Variants in NTM observed in about 807,000 individuals in gnomAD.
The protein encoded by NTM is neurotrimin, also known as IgLON family member 2.
NTM carries 13 observed loss-of-function variants against 42.1 expected under a neutral mutation model. The ratio of observed to expected loss-of-function variants is 0.31; its 90% confidence interval spans 0.20 to 0.49. The LOEUF (loss-of-function observed/expected upper bound fraction) is 0.49, where lower values mean the gene tolerates loss of function less well. Among genes scored for constraint, NTM ranks in the 20% least tolerant of loss-of-function variants. NTM has a pLI of 0.99. For missense variants in NTM, 373 were observed against 452.8 expected (o/e 0.82, Z 1.60); for synonymous variants, 187 against 179.2 (o/e 1.04, Z -0.35).
intron 1 of NTM, among the ~76,000 whole-genome samples, chr11:131,672,335 C>T (rs936089406): frequency 1.3e-5 from 2 of 152,228 alleles, no homozygotes; most frequent in Non-Finnish European, 2.9e-5. Context: ...GCAGAGGCGG[C>T]GACTTGAGCA....
At chr11:132,268,216 T>C (rs1191266978) in intron 4 of NTM, among the ~76,000 whole-genome samples, 1 of 152,232 alleles carries the variant, frequency 6.6e-6, no homozygotes, top group African/African-American at 2.4e-5. Context: ...ATAAGACTTA[T>C]ATTAAAGGTA....
At chr11:131,913,985 T>C (rs764415060) in intron 2 of NTM, among the ~76,000 whole-genome samples, 1 of 152,170 alleles carries the variant, frequency 6.6e-6, no homozygotes, top group Non-Finnish European at 1.5e-5. Context: ...TGCTCAGGCC[T>C]CTCAGGATTG....
chr11:132,200,357 C>G (rs1459289499), intron 3 of NTM, among the ~76,000 whole-genome samples: 1 of 152,168 alleles, frequency 6.6e-6, no homozygotes, highest in East Asian at 1.9e-4. Flanking sequence ...AATATTGGGA[C>G]TGTAGCACTA....
chr11:132,330,798 A>G (rs2095788860), intron 8 of NTM, among the ~76,000 whole-genome samples: 1 of 152,216 alleles, frequency 6.6e-6, no homozygotes, highest in African/African-American at 2.4e-5. Context: ...CTAATGAGAT[A>G]GAGGCAATAA....
intron 1 of NTM, among the ~76,000 whole-genome samples, chr11:131,762,911 C>T (rs556552107): frequency 9.8e-5 from 15 of 152,326 alleles, no homozygotes; most frequent in Admixed American, 3.3e-4. Flanking sequence ...CACCGCTGAG[C>T]GATGCCATGT....
chr11:131,434,504 A>G (rs1284823743), intron 1 of NTM, among the ~76,000 whole-genome samples: 1 of 152,108 alleles, frequency 6.6e-6, no homozygotes, highest in Non-Finnish European at 1.5e-5. Flanking sequence ...ATAGTATCTC[A>G]TTGTGGTTTT....
chr11:132,088,514 C>CA (rs995055150), intron 2 of NTM, among the ~76,000 whole-genome samples: 3 of 151,958 alleles, frequency 2.0e-5, no homozygotes, highest in African/African-American at 7.2e-5. Flanking sequence ...AAGCTGTCAA[C>CA]AAAAAAAGGG....
chr11:131,723,116 C>A (rs1358613257), intron 1 of NTM, among the ~76,000 whole-genome samples: 1 of 152,228 alleles, frequency 6.6e-6, no homozygotes, highest in Middle Eastern at 3.2e-3. Context: ...TTTTGCCGTT[C>A]TTTCCACTAC....
chr11:131,656,957 G>A (rs1057272894), intron 1 of NTM, among the ~76,000 whole-genome samples: 5 of 152,008 alleles, frequency 3.3e-5, no homozygotes, highest in Admixed American at 6.5e-5. Flanking sequence ...GTGGTCTGGC[G>A]CTGTTGCTCA....
chr11:131,448,186 C>T (rs945721200), intron 1 of NTM, among the ~76,000 whole-genome samples: 16 of 152,352 alleles, frequency 1.1e-4, no homozygotes, highest in Admixed American at 5.9e-4. Flanking sequence ...AACAGACTGT[C>T]CTGCGCTGAA....
At chr11:131,706,312 A>G (rs1320206229) in intron 1 of NTM, among the ~76,000 whole-genome samples, 1 of 152,190 alleles carries the variant, frequency 6.6e-6, no homozygotes, top group East Asian at 1.9e-4. Flanking sequence ...GGATGTACCC[A>G]GTATTGGAGC....
intron 1 of NTM, among the ~76,000 whole-genome samples, chr11:131,648,788 T>A (rs2066089422): frequency 6.6e-6 from 1 of 152,210 alleles, no homozygotes; most frequent in Non-Finnish European, 1.5e-5. Context: ...CACACTCTTG[T>A]TTCCTCACTA....
intron 1 of NTM, chr11:131,502,818 C>T (rs182050055): frequency 1.3e-5 from 2 of 152,246 alleles, no homozygotes; most frequent in Non-Finnish European, 2.9e-5. Context: ...TGTAACACAG[C>T]ATCTGATCGA....
intron 1 of NTM, among the ~76,000 whole-genome samples, chr11:131,389,130 G>A: frequency 6.6e-6 from 1 of 152,072 alleles, no homozygotes; most frequent in African/African-American, 2.4e-5. Flanking sequence ...ACCTATTATG[G>A]GCCAGGCCCT....
chr11:132,227,437 C>G (rs2086546818), intron 4 of NTM, among the ~76,000 whole-genome samples: 1 of 152,098 alleles, frequency 6.6e-6, no homozygotes, highest in Non-Finnish European at 1.5e-5. Context: ...AGTTTCACTA[C>G]AAAGGGAAGC....
chr11:132,170,989 C>T lies in NTM; in HGVS notation c.400+24475C>T, dbSNP rs1196760828. ...CACCTGCATTTGTCTTTGTACTCAGCTCATTAAATTGTAGTTATCTCTTCA... is the reference window on the plus strand; with the variant it reads ...CACCTGCATTTGTCTTTGTACTCAGTTCATTAAATTGTAGTTATCTCTTCA... On this transcript the variant is annotated intron_variant, in intron 3 of 8. Coordinates refer to ENST00000683400, the MANE Select transcript of NTM (RefSeq NM_001352005.2). Among the ~76,000 whole-genome samples, 171 of 152,136 alleles carry T rather than the reference C, an allele frequency of 1.1e-3. 1 individual carries two copies. Among genetic ancestry groups the T allele is most frequent in the Admixed American group, 0.011 (169 of 15,278 alleles).
In NTM at chr11:132,040,279, T is replaced by G. The variant is rs529713802; in HGVS notation, c.168-106003T>G. Among the ~76,000 whole-genome samples, 3 of 152,318 alleles carry G rather than the reference T, an allele frequency of 2.0e-5. No homozygotes were observed. The South Asian group carries it at 6.2e-4, about 32-fold the overall frequency. ...AATATTATAGTTGCTTATTATTATT[T>G]CTGTTTGTATCTCAGTTTACTAGTC... On this transcript the variant is annotated intron_variant, in intron 2 of 8. Coordinates refer to ENST00000683400, the MANE Select transcript of NTM (RefSeq NM_001352005.2).
intron 1 of NTM, among the ~76,000 whole-genome samples, chr11:131,464,352 G>T (rs372539824): frequency 2.1e-4 from 29 of 139,932 alleles, no homozygotes; most frequent in African/African-American, 8.5e-4. Flanking sequence ...AGCAACGCAG[G>T]GAAAGCTGGG....
intron 1 of NTM, among the ~76,000 whole-genome samples, chr11:131,782,246 G>T (rs1382170851): frequency 1.3e-5 from 2 of 151,960 alleles, no homozygotes; most frequent in East Asian, 3.9e-4. Context: ...AGGATAATAA[G>T]GTTGTATAAT....
Sources: allele counts gnomAD v4.1 joint callset (sites outside exome capture counted in the v4.1 genomes callset), GRCh38; gene constraint gnomAD v4.1.1; transcripts MANE v1.5; gene names NCBI Gene and HGNC (gene_info 2026-07-23, HGNC 2026-07-21).